NT5C3A: variants seen among roughly 807,000 people sequenced by gnomAD.
NT5C3A encodes 5'-nucleotidase, cytosolic IIIA.
In NT5C3A, 23 loss-of-function variants were observed where a neutral mutation model predicts 40.0. The ratio of observed to expected loss-of-function variants is 0.58; its 90% CI spans 0.41 to 0.81. The LOEUF (loss-of-function observed/expected upper bound fraction) is 0.81. NT5C3A is among the 40% of genes least tolerant of loss of function. NT5C3A has a pLI of 0.00. For missense variants in NT5C3A, 328 were observed against 403.0 expected (o/e 0.81, Z 1.59); for synonymous variants, 130 against 141.4 (o/e 0.92, Z 0.57).
intron 8 of NT5C3A, 41 bp downstream of exon 8, chr7:33,015,629 T>A (rs768206180): frequency 1.2e-5 from 16 of 1,309,358 alleles, no homozygotes; most frequent in Non-Finnish European, 1.7e-5. Flanking sequence ...AGTTTCATCC[T>A]AATATTTTCT....
rs1416412936 is a variant in NT5C3A, at chr7:33,019,701, A to G, written c.464T>C (p.Leu155Pro). 1.2e-6 allele frequency: 2 copies of G among 1,606,714 alleles called. No homozygotes were observed. The highest frequency in any genetic ancestry group is 1.3e-5 in the African/African-American group (1 of 74,936). Reference protein sequence around the residue: ...VEWYTKSHGLLVQQALPKAKL... With the variant: ...VEWYTKSHGLPVQQALPKAKL... Reference sequence around the variant, plus strand: ...AGCTTTTGGTAAAGCTTGCTGAACAAGCAAACCATGTGATTTAGTATACCT... The same window carrying G: ...AGCTTTTGGTAAAGCTTGCTGAACAGGCAAACCATGTGATTTAGTATACCT... Residue 155 changes from leucine to proline, a missense_variant, in exon 6 of 9, where the codon CTT becomes CCT. Around this residue, in one of 3 missense-constraint regions of NT5C3A, gnomAD observed 280 missense variants for 317.2 expected, o/e 0.88. Coordinates refer to ENST00000610140, the MANE Select transcript of NT5C3A (RefSeq NM_001002010.5).
intron 4 of NT5C3A, 37 bp from the exon 5 acceptor site, chr7:33,021,394 T>C (rs750662189): frequency 6.2e-7 from 1 of 1,601,144 alleles, no homozygotes; most frequent in Non-Finnish European, 8.5e-7. Context: ...TGAAGATTAC[T>C]TGAAAATAAA....
intron 1 of NT5C3A, among the ~76,000 whole-genome samples, chr7:33,037,974 C>T (rs1029143583): frequency 2.4e-4 from 36 of 152,132 alleles, no homozygotes; most frequent in African/African-American, 8.7e-4. Flanking sequence ...TTTTCTGTCA[C>T]AGTCATCCAG....
At chr7:33,021,198 T>A in intron 5 of NT5C3A, 74 bp downstream of exon 5, 1 of 1,588,872 alleles carries the variant, frequency 6.3e-7, no homozygotes, top group Non-Finnish European at 8.6e-7. Flanking sequence ...AGGTAAAAAA[T>A]AAGCCATCAG....
Position 33,014,213 on chromosome 7 carries a change from C to G in NT5C3A, c.*517G>C, listed in dbSNP as rs1785201176. On this transcript the variant is annotated 3_prime_UTR_variant, in exon 9 of 9. Transcript: ENST00000610140. ...ATGATTAGCAACATTGTAAACACCA[C>G]CAGGTTTTTCCAACACTAACTGCTA... 4 of 454,346 alleles carry G rather than the reference C, an allele frequency of 8.8e-6. No individual in the cohort carries two copies. The highest frequency in any genetic ancestry group is 6.2e-5 in the South Asian group (4 of 64,462). The allele number at this position is 454,346 out of a possible 1,614,324, so 28.1% of individuals were successfully genotyped here.
Position 33,014,277 on chromosome 7 carries a change from C to T in NT5C3A, c.*453G>A, listed in dbSNP as rs1294024872. ...AATATTTTTTCCCCAGACAAAATAA[C>T]CAAACCTAACACAATTTCAAGAGAT... On this transcript the variant is annotated 3_prime_UTR_variant, in exon 9 of 9. Coordinates refer to ENST00000610140, the MANE Select transcript of NT5C3A (RefSeq NM_001002010.5). 2.2e-6 allele frequency: 1 copy of T among 454,302 alleles called. No individual in the cohort carries two copies. The highest frequency in any genetic ancestry group is 2.0e-5 in the African/African-American group (1 of 49,994). 28.1% of individuals were successfully genotyped at this position (454,302 alleles called of 1,614,324 possible). A position where few individuals can be genotyped will look rare whatever the true frequency, so the allele number is the denominator to read the frequency against.
At chr7:33,039,252 A>C (rs1786778354) in intron 1 of NT5C3A, among the ~76,000 whole-genome samples, 2 of 152,174 alleles carry the variant, frequency 1.3e-5, no homozygotes, top group African/African-American at 4.8e-5. Flanking sequence ...GCAAGTCTTA[A>C]AGTACCTGAA....
intron 2 of NT5C3A, among the ~76,000 whole-genome samples, chr7:33,024,867 C>T (rs1385836633): frequency 2.0e-5 from 3 of 152,070 alleles, no homozygotes; most frequent in South Asian, 2.1e-4. Flanking sequence ...CAGCCAGGCA[C>T]GGTGGCTCAT....
chr7:33,060,109 G>GCTGGGGC (rs1482984631), intron 1 of NT5C3A, among the ~76,000 whole-genome samples: 4 of 152,094 alleles, frequency 2.6e-5, no homozygotes, highest in African/African-American at 9.7e-5. Flanking sequence ...GTGTGCCACT[G>GCTGGGGC]CACTGGCTAA....
intron 1 of NT5C3A, among the ~76,000 whole-genome samples, chr7:33,051,498 T>C (rs1056201772): frequency 6.6e-5 from 10 of 152,026 alleles, no homozygotes; most frequent in Non-Finnish European, 1.0e-4. Flanking sequence ...AAGAGGTAAA[T>C]ATGGAAACTA....
intron 1 of NT5C3A, chr7:33,036,095 AT>A: frequency 2.4e-6 from 2 of 826,956 alleles, no homozygotes; most frequent in South Asian, 1.4e-5. Context: ...TTAAGGTGGA[AT>A]TTTTGGTATG....
chr7:33,019,591 C>A (rs187561011), intron 6 of NT5C3A, 44 bp downstream of exon 6: 2 of 1,108,930 alleles, frequency 1.8e-6, no homozygotes, highest in African/African-American at 1.5e-5. Context: ...AGCAATAATT[C>A]AAGTCTGTGA....
At chr7:33,024,695 A>G (rs903552778) in intron 2 of NT5C3A, among the ~76,000 whole-genome samples, 2 of 152,214 alleles carry the variant, frequency 1.3e-5, no homozygotes, top group African/African-American at 4.8e-5. Context: ...CTAGAAGAAA[A>G]GATTTAGAAT....
intron 1 of NT5C3A, among the ~76,000 whole-genome samples, chr7:33,038,102 G>C (rs1786708733): frequency 6.6e-6 from 1 of 151,792 alleles, no homozygotes; most frequent in South Asian, 2.1e-4. Context: ...TATGTGAAAA[G>C]CAGTCTAGAT....
At chr7:33,042,174 CA>C (rs1400301527) in intron 1 of NT5C3A, among the ~76,000 whole-genome samples, 1 of 151,562 alleles carries the variant, frequency 6.6e-6, no homozygotes, top group Non-Finnish European at 1.5e-5. Context: ...CCATCTCTAC[CA>C]AAAATACAAA....
At chr7:33,037,121 AT>A (rs1296268519) in intron 1 of NT5C3A, among the ~76,000 whole-genome samples, 1 of 152,122 alleles carries the variant, frequency 6.6e-6, no homozygotes, top group African/African-American at 2.4e-5. Flanking sequence ...AAAATCTTTA[AT>A]TTTTTAATAT....
At chr7:33,053,003 G>A (rs1787432396) in intron 1 of NT5C3A, among the ~76,000 whole-genome samples, 1 of 152,128 alleles carries the variant, frequency 6.6e-6, no homozygotes, top group African/African-American at 2.4e-5. Flanking sequence ...TTCTCTAGTT[G>A]TCATGGTTTA....
At chr7:33,053,273 T>C (rs1210416910) in intron 1 of NT5C3A, among the ~76,000 whole-genome samples, 1 of 152,086 alleles carries the variant, frequency 6.6e-6, no homozygotes. Flanking sequence ...CGGCAACCTC[T>C]GCCTCCCGGG....
At chr7:33,033,042 G>A (rs1462143230) in intron 1 of NT5C3A, among the ~76,000 whole-genome samples, 1 of 152,222 alleles carries the variant, frequency 6.6e-6, no homozygotes, top group Non-Finnish European at 1.5e-5. Context: ...ATGAGCCACA[G>A]TGCCCAGCCT....
Sources: allele counts gnomAD v4.1 joint callset (sites outside exome capture counted in the v4.1 genomes callset), GRCh38; gene constraint gnomAD v4.1.1; regional missense constraint gnomAD v4.1.1; transcripts MANE v1.5; gene names NCBI Gene and HGNC (gene_info 2026-07-23, HGNC 2026-07-21).